STK32A: variants seen among roughly 807,000 people sequenced by gnomAD.
The protein encoded by STK32A is serine/threonine kinase 32A, also known as serine/threonine-protein kinase 32A.
Under a neutral mutation model 53.2 loss-of-function variants are expected in STK32A, and 41 were observed. The observed-to-expected ratio is 0.77, with a 90% CI of 0.60 to 1.00. STK32A has a LOEUF of 1.00. STK32A is among the 50% of genes least tolerant of loss of function. STK32A has a pLI of 0.00. For missense variants in STK32A, 458 were observed against 485.8 expected, an observed-to-expected ratio of 0.94 and a Z score of 0.54; for synonymous variants, 166 against 162.8, an observed-to-expected ratio of 1.02 and a Z score of -0.15.
intron 4 of STK32A, among the ~76,000 whole-genome samples, chr5:147,314,316 G>A (rs949621613): frequency 3.3e-5 from 5 of 151,896 alleles, no homozygotes; most frequent in Admixed American, 3.3e-4. Context: ...TGATCAACAT[G>A]GTGAAACCCT....
chr5:147,371,379 G>A (rs764522693), intron 9 of STK32A, among the ~76,000 whole-genome samples: 11 of 152,046 alleles, frequency 7.2e-5, no homozygotes, highest in Non-Finnish European at 1.3e-4. Context: ...TTGGACTTTT[G>A]GACTTTTGTC....
chr5:147,347,542 G>A (rs1380504792), intron 6 of STK32A, among the ~76,000 whole-genome samples: 1 of 152,154 alleles, frequency 6.6e-6, no homozygotes, highest in Non-Finnish European at 1.5e-5. Context: ...AGTGGGTAGA[G>A]GCCGGGATGC....
rs538993692 is a variant in STK32A, at chr5:147,289,534, G to A, written c.260+10136G>A. Among the ~76,000 whole-genome samples, 9 of 151,258 alleles carry A rather than the reference G, an allele frequency of 6.0e-5. No individual in the cohort carries two copies. The East Asian group carries it at 1.6e-3, about 26-fold the overall frequency. ...TTAAGATTAAAAAGTTTGTGTGTGT[G>A]AATAGGTATAAATGTATACATACAT... is the stretch of plus-strand genomic sequence containing the variant. On this transcript the variant is annotated intron_variant, in intron 4 of 12. Coordinates refer to ENST00000397936, the MANE Select transcript of STK32A (RefSeq NM_001112724.2).
At position 147,342,987 on chromosome 5, in the gene STK32A, T is replaced by C; in HGVS notation, c.435-19T>C. On this transcript the variant is annotated intron_variant, in intron 5 of 12. Coordinates refer to ENST00000397936, the MANE Select transcript of STK32A (RefSeq NM_001112724.2). ...CGTTTTATTGTGAGCAACTTTCTTT[T>C]TTCTTTTTACTCCTCTAGGGATATG... 6.2e-7 allele frequency: 1 copy of C among 1,612,954 alleles called. No homozygotes were observed.
intron 5 of STK32A, among the ~76,000 whole-genome samples, chr5:147,334,696 T>G (rs897300008): frequency 6.6e-6 from 1 of 152,254 alleles, no homozygotes; most frequent in African/African-American, 2.4e-5. Flanking sequence ...CTTAGCATCA[T>G]GATGCTGTCA....
intron 2 of STK32A, among the ~76,000 whole-genome samples, chr5:147,264,702 C>G (rs1380900147): frequency 6.6e-6 from 1 of 152,028 alleles, no homozygotes; most frequent in South Asian, 2.1e-4. Flanking sequence ...CCATCTACCA[C>G]CTTGAATATT....
At chr5:147,312,081 A>T (rs1753727337) in intron 4 of STK32A, among the ~76,000 whole-genome samples, 1 of 151,916 alleles carries the variant, frequency 6.6e-6, no homozygotes, top group Non-Finnish European at 1.5e-5. Flanking sequence ...TCTTATTGCT[A>T]AAATGGAAGT....
Position 147,384,226 on chromosome 5 carries a change from CTTTA to C in STK32A, c.*249_*252del. 2.2e-6 allele frequency: 3 copies of C among 1,358,244 alleles called. No individual in the cohort carries two copies. Among genetic ancestry groups the C allele is most frequent in the Non-Finnish European group, 2.9e-6 (3 of 1,047,678 alleles). The allele number at this position is 1,358,244 out of a possible 1,614,324, so 84.1% of individuals were successfully genotyped here. On this transcript the variant is annotated 3_prime_UTR_variant, in exon 13 of 13. Transcript: ENST00000397936. ...TCACTTAGCCACTTTCTGTGCTTTACTTTATTTATCTAAAATGAGAGGGTTATAC... is the reference window on the plus strand; with the variant it reads ...TCACTTAGCCACTTTCTGTGCTTTACTTTATCTAAAATGAGAGGGTTATAC...
At chr5:147,370,538 G>A in intron 8 of STK32A, 116 bp from the exon 9 acceptor site, 1 of 606,790 alleles carries the variant, frequency 1.6e-6, no homozygotes, top group Admixed American at 2.8e-5. Context: ...GCTGGACAGG[G>A]TTAGAAATTG....
intron 4 of STK32A, among the ~76,000 whole-genome samples, chr5:147,306,934 T>C (rs573682443): frequency 1.3e-5 from 2 of 152,238 alleles, no homozygotes; most frequent in African/African-American, 4.8e-5. Context: ...GAAGAAAGTG[T>C]GGAATCATTT....
intron 6 of STK32A, among the ~76,000 whole-genome samples, chr5:147,350,427 T>A (rs757279646): frequency 5.3e-5 from 8 of 151,902 alleles, no homozygotes; most frequent in Non-Finnish European, 1.2e-4. Flanking sequence ...AGTGGTGTGA[T>A]CTCAGCTCAC....
chr5:147,272,560 T>C (rs555300785), intron 2 of STK32A, among the ~76,000 whole-genome samples: 32 of 152,342 alleles, frequency 2.1e-4, no homozygotes, highest in African/African-American at 7.2e-4. Flanking sequence ...ATTGGAATGA[T>C]AGTATGTTAC....
At chr5:147,299,469 C>A (rs1454419630) in intron 4 of STK32A, among the ~76,000 whole-genome samples, 1 of 152,146 alleles carries the variant, frequency 6.6e-6, no homozygotes, top group Middle Eastern at 3.2e-3. Context: ...TAGGTTTCAG[C>A]CTCATTTTAC....
intron 7 of STK32A, among the ~76,000 whole-genome samples, chr5:147,360,931 G>C (rs1756476082): frequency 6.6e-6 from 1 of 152,168 alleles, no homozygotes. Flanking sequence ...GGAATCAATT[G>C]AAAGAACTAC....
At chr5:147,360,412 C>A (rs1756444996) in intron 7 of STK32A, among the ~76,000 whole-genome samples, 1 of 125,958 alleles carries the variant, frequency 7.9e-6, no homozygotes, top group Non-Finnish European at 1.6e-5. Context: ...GATTGTATCA[C>A]TGCAATCCAG....
chr5:147,323,235 A>T (rs924794335), intron 4 of STK32A, among the ~76,000 whole-genome samples: 1 of 152,190 alleles, frequency 6.6e-6, no homozygotes, highest in East Asian at 1.9e-4. Flanking sequence ...CTCAGTAGAA[A>T]CATCAGGAGA....
At chr5:147,334,862 T>G (rs958437092) in intron 5 of STK32A, among the ~76,000 whole-genome samples, 5 of 152,188 alleles carry the variant, frequency 3.3e-5, no homozygotes, top group Admixed American at 1.3e-4. Flanking sequence ...CACCAGATAC[T>G]ACACAGTAGT....
At chr5:147,359,521 T>C (rs1029616322) in intron 7 of STK32A, among the ~76,000 whole-genome samples, 2 of 152,066 alleles carry the variant, frequency 1.3e-5, no homozygotes, top group African/African-American at 4.8e-5. Flanking sequence ...TAGAGTAATG[T>C]TTATTCTATT....
chr5:147,278,085 T>G, intron 2 of STK32A, 39 bp from the exon 3 acceptor site: 1 of 1,517,518 alleles, frequency 6.6e-7, no homozygotes, highest in Non-Finnish European at 9.0e-7. Flanking sequence ...AAAGAGAAAT[T>G]GATAATTACT....
Sources: allele counts gnomAD v4.1 joint callset (sites outside exome capture counted in the v4.1 genomes callset), GRCh38; gene constraint gnomAD v4.1.1; transcripts MANE v1.5; gene names NCBI Gene and HGNC (gene_info 2026-07-23, HGNC 2026-07-21).